DST: variants seen among roughly 807,000 people sequenced by gnomAD.
DST encodes dystonin.
DST carries 253 observed loss-of-function variants against 875.2 expected under a neutral mutation model. That is an observed-to-expected ratio of 0.29 (90% confidence interval 0.26 to 0.32). DST has a LOEUF of 0.32. Among genes scored for constraint, DST ranks in the 10% least tolerant of loss-of-function variants. The probability of loss-of-function intolerance (pLI) is 1.00; values close to 1 mark genes in which losing one functional copy is unlikely to be tolerated. For missense variants in DST, 8,287 were observed against 9,111.6 expected (o/e 0.91, Z 3.68); for synonymous variants, 3,124 against 3,197.1 (o/e 0.98, Z 0.77).
chr6:56,590,555 T>C (rs1002672274), intron 49 of DST, among the ~76,000 whole-genome samples: 3 of 151,982 alleles, frequency 2.0e-5, no homozygotes. Context: ...GAATATACAA[T>C]ACATGGGGAT....
chr6:56,838,354 A>G (rs2099796117), intron 4 of DST, among the ~76,000 whole-genome samples: 1 of 152,180 alleles, frequency 6.6e-6, no homozygotes, highest in Non-Finnish European at 1.5e-5. Context: ...GCTTTGGTCA[A>G]ATATTCCAGC....
intron 3 of DST, among the ~76,000 whole-genome samples, chr6:56,872,832 C>CCCGTT (rs5876523): frequency 2.3e-5 from 3 of 127,860 alleles, no homozygotes; most frequent in Non-Finnish European, 3.3e-5. Context: ...TCCCCCCCCC[C>CCCGTT]TTTTTTTTTT....
rs1437138020 is a variant in DST at position 56,569,974 on chromosome 6, G to A, written c.13760C>T (p.Ala4587Val). The change falls in exon 54 of 104, where the codon GCT (alanine) becomes GTT (valine). Residue 4587 changes from alanine to valine, a missense_variant. Coordinates refer to ENST00000680361, the MANE Select transcript of DST (RefSeq NM_001374736.1). ...CAATGATTTAACAAGAACTTGGAAA[G>A]CATCCAACTGTTCTTGACAAGAAGT... ...AVTSCQEQLD[A>V]FQVLVKSLKS... 6.2e-7 allele frequency: 1 copy of A among 1,604,856 alleles called. No individual in the cohort carries two copies. The highest frequency in any genetic ancestry group is 1.7e-5 in the Admixed American group (1 of 58,152).
intron 73 of DST, among the ~76,000 whole-genome samples, chr6:56,510,238 C>A (rs141060403): frequency 0.017 from 2,616 of 152,250 alleles, 31 homozygotes; most frequent in Middle Eastern, 0.031. Flanking sequence ...TTTTAAAAAT[C>A]AAGTTCAATA....
At chr6:56,730,016 T>C (rs936185225) in intron 5 of DST, among the ~76,000 whole-genome samples, 2 of 152,172 alleles carry the variant, frequency 1.3e-5, no homozygotes, top group Non-Finnish European at 2.9e-5. Flanking sequence ...TCCAAATGCA[T>C]TTATGTGTCA....
chr6:56,843,417 C>T (rs936420674), intron 4 of DST: 5 of 1,082,186 alleles, frequency 4.6e-6, no homozygotes, highest in Non-Finnish European at 5.6e-6. Context: ...TCAGCAGCGG[C>T]AAATCTCAGC....
chr6:56,808,625 G>A (rs2099756150), intron 4 of DST, among the ~76,000 whole-genome samples: 2 of 152,068 alleles, frequency 1.3e-5, no homozygotes, highest in Non-Finnish European at 2.9e-5. Context: ...CTACGGATGT[G>A]GCTACTTAGA....
chr6:56,887,710 C>G (rs1191298144), intron 3 of DST, among the ~76,000 whole-genome samples: 3 of 152,090 alleles, frequency 2.0e-5, no homozygotes, highest in Admixed American at 6.5e-5. Context: ...GGCAAGAGGT[C>G]TTGCTTCAGT....
At chr6:56,516,096 A>G (rs574452190) in intron 71 of DST, among the ~76,000 whole-genome samples, 5 of 149,810 alleles carry the variant, frequency 3.3e-5, no homozygotes, top group South Asian at 2.1e-4. Context: ...GTGTATATAT[A>G]TGTGTGTGTG....
At position 56,497,455 on chromosome 6, in the gene DST, G is replaced by A. The variant is rs373240529; in HGVS notation, c.20147C>T (p.Thr6716Met). 3.0e-5 allele frequency: 49 copies of A among 1,613,122 alleles called. 1 individual carries two copies. In the South Asian group the frequency reaches 4.6e-4, roughly 15 times the overall value. The change falls in exon 82 of 104, where the codon ACG becomes ATG. Residue 6716 changes from threonine (T) to methionine (M), a missense_variant. Physicochemically the swap from Thr to Met is moderately conservative, Grantham distance 81. Around this residue, in one of 10 missense-constraint regions of DST, gnomAD observed 1,292 missense variants for 1,552.7 expected, o/e 0.83. Coordinates refer to ENST00000680361, the MANE Select transcript of DST (RefSeq NM_001374736.1). Reference protein sequence around the residue: ...IEDLQQWLTDTERHLLASKPL... With the variant: ...IEDLQQWLTDMERHLLASKPL... The stretch of plus-strand genomic sequence containing the variant: ...TTTAGATGCCAACAGATGACGCTCC[G>A]TGTCAGTCAGCCACTGCTGCAAATC...
At position 56,605,996 on chromosome 6, in the gene DST, C is replaced by A. The variant is rs771617579; in HGVS notation, c.8632G>T (p.Val2878Leu). ...SLEKQQRVNV[V>L]QLASPSENNL... ...TTTTCACTAGGTGATGCTAGCTGTA[C>A]AACATTTACCCTTTGCTGTTTTTCT... is the stretch of plus-strand genomic sequence containing the variant. The change falls in exon 40 of 104, where the codon GTA becomes TTA. Residue 2878 changes from valine (V) to leucine (L), a missense_variant. By Grantham distance (32) the Val-to-Leu change is conservative. Coordinates refer to ENST00000680361, the MANE Select transcript of DST (RefSeq NM_001374736.1). 1 of 1,612,552 alleles carries A rather than the reference C, an allele frequency of 6.2e-7. No homozygotes were observed.
chr6:56,506,419 G>A (rs200750384), intron 77 of DST, 24 bp downstream of exon 77: 6 of 1,578,870 alleles, frequency 3.8e-6, no homozygotes, highest in Middle Eastern at 1.7e-4. Context: ...GCTAAGACCA[G>A]CACATACACT....
At chr6:56,551,582 G>A (rs1293891171) in intron 61 of DST, among the ~76,000 whole-genome samples, 1 of 152,066 alleles carries the variant, frequency 6.6e-6, no homozygotes, top group Non-Finnish European at 1.5e-5. Flanking sequence ...ACTGTTGAGT[G>A]GCAGTCATTT....
chr6:56,508,318 G>A (rs534266956), intron 75 of DST, among the ~76,000 whole-genome samples: 22 of 152,278 alleles, frequency 1.4e-4, no homozygotes, highest in African/African-American at 4.1e-4. Context: ...ACAGGCATGA[G>A]CCACCACGCA....
At chr6:56,884,118 G>A (rs570562757) in intron 3 of DST, among the ~76,000 whole-genome samples, 2 of 150,828 alleles carry the variant, frequency 1.3e-5, no homozygotes, top group South Asian at 4.2e-4. Context: ...GTGGCAGAGT[G>A]AGAACTTATC....
chr6:56,772,776 C>G (rs2099669814), intron 4 of DST, among the ~76,000 whole-genome samples: 1 of 152,102 alleles, frequency 6.6e-6, no homozygotes, highest in Non-Finnish European at 1.5e-5. Flanking sequence ...TGATAGCCAG[C>G]CTCCAGGAGG....
intron 49 of DST, among the ~76,000 whole-genome samples, chr6:56,583,004 A>G (rs1039048486): frequency 7.9e-5 from 12 of 152,172 alleles, no homozygotes; most frequent in Non-Finnish European, 1.0e-4. Flanking sequence ...ATTGTTGGAC[A>G]TTTGGGTTGG....
At chr6:56,690,483 A>T (rs1347919738) in intron 9 of DST, among the ~76,000 whole-genome samples, 1 of 152,166 alleles carries the variant, frequency 6.6e-6, no homozygotes, top group Non-Finnish European at 1.5e-5. Flanking sequence ...CAACGACTCA[A>T]AAGGGAAGTA....
In DST at chr6:56,555,326, G is replaced by A; in HGVS notation, c.15136+19C>T. ...ATTTATTTCTGACCAGGAAATATAT[G>A]TATTAAAAGTAGACAAACCTGCTTT... On this transcript the variant is annotated intron_variant, in intron 60 of 103. Coordinates refer to ENST00000680361, the MANE Select transcript of DST (RefSeq NM_001374736.1). The A allele has an allele frequency of 2.6e-6, 4 of 1,544,970 alleles. No homozygotes were observed. The highest frequency in any genetic ancestry group is 1.7e-6 in the Non-Finnish European group (2 of 1,147,910).
Sources: allele counts gnomAD v4.1 joint callset (sites outside exome capture counted in the v4.1 genomes callset), GRCh38; gene constraint gnomAD v4.1.1; regional missense constraint gnomAD v4.1.1; transcripts MANE v1.5; gene names NCBI Gene and HGNC (gene_info 2026-07-23, HGNC 2026-07-21).